The following CD46 variants were observed in gnomAD, a reference collection of about 807,000 sequenced individuals.
CD46 encodes CD46 molecule.
A neutral mutation model predicts 53.3 loss-of-function variants in CD46; 30 were observed. The ratio of observed to expected loss-of-function variants is 0.56; its 90% CI spans 0.42 to 0.76. CD46 has a LOEUF of 0.76. Among genes scored for constraint, CD46 ranks in the 30% least tolerant of loss-of-function variants. The probability of loss-of-function intolerance (pLI) is 0.00; values close to 1 mark genes in which losing one functional copy is unlikely to be tolerated. For missense variants in CD46, 409 were observed against 463.0 expected (o/e 0.88, Z 1.07); for synonymous variants, 142 against 152.0 (o/e 0.93, Z 0.48).
At position 207,752,220 on chromosome 1, in the gene CD46, C is replaced by T; in HGVS notation, c.8C>T (p.Pro3Leu). The T allele has an allele frequency of 6.2e-7, 1 of 1,613,970 alleles. No individual in the cohort carries two copies. The highest frequency in any genetic ancestry group is 1.6e-4 in the Middle Eastern group (1 of 6,062). Reference protein sequence around the residue: MEPPGRRECPFPS... With the variant: MELPGRRECPFPS... ...GCGTCTTCCGCGCCGCGCATGGAGCCTCCCGGCCGCCGCGAGTGTCCCTTT... is the reference window on the plus strand; with the variant it reads ...GCGTCTTCCGCGCCGCGCATGGAGCTTCCCGGCCGCCGCGAGTGTCCCTTT... The change falls in exon 1 of 13, where the codon CCT becomes CTT. Residue 3 changes from proline (P) to leucine (L), a missense_variant. Coordinates refer to ENST00000367042, the MANE Select transcript of CD46 (RefSeq NM_172351.3). The surrounding 1 kb of genome is among the most constrained non-coding windows in gnomAD (Gnocchi z 4.1).
chr1:207,770,175 G>T, intron 7 of CD46, 146 bp from the exon 8 acceptor site: 2 of 675,742 alleles, frequency 3.0e-6, no homozygotes, highest in Non-Finnish European at 5.4e-6. Context: ...ATATATGTAG[G>T]TTAAATTCTA....
intron 10 of CD46, 98 bp downstream of exon 10, chr1:207,785,204 T>TG: frequency 1.0e-6 from 1 of 983,162 alleles, no homozygotes; most frequent in Non-Finnish European, 1.6e-6. Context: ...TTTTTCAGCT[T>TG]GTAAATTGGT....
intron 8 of CD46, among the ~76,000 whole-genome samples, chr1:207,774,321 C>G (rs574815836): frequency 6.6e-6 from 1 of 152,152 alleles, no homozygotes; most frequent in African/African-American, 2.4e-5. Flanking sequence ...ACCGATGGGT[C>G]TTGACTCTTT....
Position 207,767,094 on chromosome 1 carries a change from T to C in CD46, c.755T>C (p.Val252Ala). The C allele has an allele frequency of 6.2e-7, 1 of 1,613,664 alleles. No homozygotes were observed. Among genetic ancestry groups the C allele is most frequent in the Non-Finnish European group, 8.5e-7 (1 of 1,179,614 alleles). Residue 252 changes from valine to alanine, a missense_variant, in exon 6 of 13, where the codon GTT (valine) becomes GCT (alanine). Coordinates refer to ENST00000367042, the MANE Select transcript of CD46 (RefSeq NM_172351.3). ...AAAAAATTTTACTACAAAGCAACAG[T>C]TATGTTTGAATGCGATAAGGGTTTT... The part of the protein sequence containing the change: ...FGKKFYYKAT[V>A]MFECDKGFYL...
At chr1:207,778,745 CG>C (rs1453021866) in intron 8 of CD46, among the ~76,000 whole-genome samples, 4 of 152,094 alleles carry the variant, frequency 2.6e-5, no homozygotes, top group African/African-American at 9.7e-5. Context: ...GTTCTTTTTG[CG>C]TAAGATTTTC....
chr1:207,779,125 T>G (rs1172939568), intron 8 of CD46, among the ~76,000 whole-genome samples: 1 of 152,146 alleles, frequency 6.6e-6, no homozygotes, highest in Non-Finnish European at 1.5e-5. Context: ...GATTTTTGTA[T>G]ATTGATTTTG....
intron 12 of CD46, among the ~76,000 whole-genome samples, chr1:207,791,723 G>C (rs755732729): frequency 1.3e-5 from 2 of 152,142 alleles, no homozygotes; most frequent in Non-Finnish European, 2.9e-5. Flanking sequence ...AGTCTCTTAG[G>C]ACACTTTTGA....
chr1:207,767,535 A>G (rs1287336126), intron 6 of CD46: 2 of 1,209,106 alleles, frequency 1.7e-6, no homozygotes, highest in South Asian at 1.2e-5. Context: ...CAACAATGGC[A>G]TAATTCATAT....
rs1654979334 is a variant in CD46 at position 207,752,190 on chromosome 1, T to A, written c.-23T>A. 1 of 1,609,690 alleles carries A rather than the reference T, an allele frequency of 6.2e-7. No individual in the cohort carries two copies. Among genetic ancestry groups the A allele is most frequent in the South Asian group, 1.1e-5 (1 of 91,028 alleles). ...GTTTCTCTGCTTTCCTCCGGAGAAATAACAGCGTCTTCCGCGCCGCGCATG... is the reference window on the plus strand; with the variant it reads ...GTTTCTCTGCTTTCCTCCGGAGAAAAAACAGCGTCTTCCGCGCCGCGCATG... On this transcript the variant is annotated 5_prime_UTR_variant, in exon 1 of 13. An upstream open reading frame in the 5' UTR loses its in-frame stop. Transcript: ENST00000367042. This position sits in a 1 kb window ranked among gnomAD's most constrained non-coding sequence, Gnocchi z 4.1.
chr1:207,767,116 T>G lies in CD46; in HGVS notation c.777T>G (p.Gly259=). 6.2e-7 allele frequency: 1 copy of G among 1,613,730 alleles called. No homozygotes were observed. The highest frequency in any genetic ancestry group is 8.5e-7 in the Non-Finnish European group (1 of 1,179,704). ...KATVMFECDK[G]FYLDGSDTIV... ...CAGTTATGTTTGAATGCGATAAGGG[T>G]TTTTACCTCGATGGCAGCGACACAA... The change falls in exon 6 of 13, where the codon GGT becomes GGG. Residue 259 remains glycine (G), a synonymous_variant. Transcript: ENST00000367042.
intron 8 of CD46, among the ~76,000 whole-genome samples, chr1:207,778,237 T>C (rs768050394): frequency 1.3e-4 from 20 of 152,190 alleles, no homozygotes; most frequent in Non-Finnish European, 2.4e-4. Context: ...CTGTAAGTTG[T>C]CTGTTTACTC....
chr1:207,757,174 G>C lies in CD46; in HGVS notation c.258G>C (p.Trp86Cys). 6.2e-7 allele frequency: 1 copy of C among 1,613,646 alleles called. No homozygotes were observed. The highest frequency in any genetic ancestry group is 8.5e-7 in the Non-Finnish European group (1 of 1,179,922). The stretch of plus-strand genomic sequence containing the variant: ...CTATTTGTGATCGGAATCATACATG[G>C]CTACCTGTCTCAGATGACGCCTGTT... ...THTICDRNHTWLPVSDDACYR... is the reference protein window; with the variant it reads ...THTICDRNHTCLPVSDDACYR... Residue 86 changes from tryptophan to cysteine, a missense_variant, in exon 2 of 13, where the codon TGG (tryptophan) becomes TGC (cysteine). Coordinates refer to ENST00000367042, the MANE Select transcript of CD46 (RefSeq NM_172351.3).
chr1:207,777,919 T>G (rs1368780311), intron 8 of CD46, among the ~76,000 whole-genome samples: 1 of 152,180 alleles, frequency 6.6e-6, no homozygotes, highest in Non-Finnish European at 1.5e-5. Flanking sequence ...CATATAAGTG[T>G]TCCCTTTTCT....
chr1:207,771,605 T>G (rs1210142130), intron 8 of CD46, among the ~76,000 whole-genome samples: 1 of 152,224 alleles, frequency 6.6e-6, no homozygotes, highest in East Asian at 1.9e-4. Flanking sequence ...AGTTTCAGCT[T>G]TCTACATACG....
At chr1:207,774,951 T>C (rs903908454) in intron 8 of CD46, among the ~76,000 whole-genome samples, 1 of 152,236 alleles carries the variant, frequency 6.6e-6, no homozygotes, top group African/African-American at 2.4e-5. Context: ...TTTAGGGAAG[T>C]CCTCGTGGAC....
chr1:207,772,412 A>C (rs947227353), intron 8 of CD46, among the ~76,000 whole-genome samples: 7 of 152,056 alleles, frequency 4.6e-5, no homozygotes, highest in Non-Finnish European at 1.0e-4. Flanking sequence ...TTGCCTGATC[A>C]CCCTGGCCAG....
intron 12 of CD46, among the ~76,000 whole-genome samples, chr1:207,792,584 T>C (rs998363795): frequency 6.6e-6 from 1 of 152,218 alleles, no homozygotes; most frequent in African/African-American, 2.4e-5. Context: ...AAATGGGTTA[T>C]TAAAGTATCC....
At chr1:207,769,672 A>G (rs1657247875) in intron 7 of CD46, 1 of 152,266 alleles carries the variant, frequency 6.6e-6, no homozygotes, top group South Asian at 2.1e-4. Flanking sequence ...AAAGTTGAGG[A>G]AGTCCTAAGT....
intron 7 of CD46, 75 bp from the exon 8 acceptor site, chr1:207,770,246 A>G: frequency 1.9e-6 from 2 of 1,045,530 alleles, no homozygotes; most frequent in Non-Finnish European, 3.0e-6. Flanking sequence ...TTAAAAAATC[A>G]ATATCAAAAT....
Sources: allele counts gnomAD v4.1 joint callset (sites outside exome capture counted in the v4.1 genomes callset), GRCh38; gene constraint gnomAD v4.1.1; non-coding constraint Gnocchi (gnomAD v3.1); transcripts MANE v1.5; gene names NCBI Gene and HGNC (gene_info 2026-07-23, HGNC 2026-07-21).